Variants in PCDH19 observed in about 807,000 individuals in gnomAD.
PCDH19 encodes the protein protocadherin-19.
Under a neutral mutation model 46.2 loss-of-function variants are expected in PCDH19, and 6 were observed. The observed-to-expected ratio is 0.13, with a 90% CI of 0.07 to 0.26. PCDH19 has a LOEUF of 0.26. Ranked by LOEUF, PCDH19 falls within the 10% of genes least tolerant of loss-of-function variation. PCDH19 has a pLI of 1.00. For synonymous variants in PCDH19, 481 were observed against 415.7 expected, an observed-to-expected ratio of 1.16 and a Z score of -1.91; for missense variants, 740 against 972.3, an observed-to-expected ratio of 0.76 and a Z score of 3.18.
rs757749679 is a variant in PCDH19 at position 100,364,144 on chromosome X, T to C, written c.2617-13440A>G. Among the ~76,000 whole-genome samples, 314 of 110,199 alleles carry C rather than the reference T, an allele frequency of 2.8e-3. 1 individual carries two copies. The highest frequency in any genetic ancestry group is 4.5e-3 in the Non-Finnish European group (237 of 52,778). On this transcript the variant is annotated intron_variant, in intron 3 of 5. Coordinates refer to ENST00000373034, the MANE Select transcript of PCDH19 (RefSeq NM_001184880.2). ...GTTGAGTAACACACATTAGCATGCA[T>C]AATTCAGAGTTGTCGGCTGGAAAGG...
Position 100,402,846 on chromosome X carries a change from G to T in PCDH19, c.2294C>A (p.Ala765Asp), listed in dbSNP as rs1165334173. The change falls in exon 3 of 6, where the codon GCT becomes GAT. Residue 765 changes from alanine to aspartate, a missense_variant. Ala to Asp is a moderately radical substitution (Grantham distance 126). Transcript: ENST00000373034. ...EKVSLRGKRI[A>D]EYSYGHQKKS... ...CTTTTGATGCCCATAGGAGTACTCAGCAATTCTATGTGACAGAAAAGGCAG... is the reference window on the plus strand; with the variant it reads ...CTTTTGATGCCCATAGGAGTACTCATCAATTCTATGTGACAGAAAAGGCAG... The T allele has an allele frequency of 8.3e-7, 1 of 1,200,004 alleles. No individual in the cohort carries two copies. The highest frequency in any genetic ancestry group is 1.8e-5 in the South Asian group (1 of 56,682).
intron 5 of PCDH19, among the ~76,000 whole-genome samples, chrX:100,331,028 A>C (rs1406451902): frequency 8.9e-6 from 1 of 112,128 alleles, no homozygotes; most frequent in Non-Finnish European, 1.9e-5. Context: ...TTTTCTGATC[A>C]ATTCTTTTGG....
chrX:100,393,945 G>C (rs181050300), intron 3 of PCDH19, among the ~76,000 whole-genome samples: 439 of 112,017 alleles, frequency 3.9e-3, no homozygotes, highest in Non-Finnish European at 5.4e-3. Flanking sequence ...GCGGGTGGAT[G>C]ACCTGAGGTC....
At chrX:100,328,676 T>C (rs1229549224) in intron 5 of PCDH19, among the ~76,000 whole-genome samples, 1 of 111,667 alleles carries the variant, frequency 9.0e-6, no homozygotes, top group African/African-American at 3.3e-5. Context: ...TGCCGCCTAC[T>C]TCAGTACCAC....
intron 5 of PCDH19, among the ~76,000 whole-genome samples, chrX:100,333,446 T>A (rs1005660104): frequency 1.8e-5 from 2 of 111,566 alleles, no homozygotes; most frequent in Non-Finnish European, 3.8e-5. Flanking sequence ...TCCAAAGAGA[T>A]CACATTACAC....
At chrX:100,404,850 T>G (rs1928298854) in intron 1 of PCDH19, among the ~76,000 whole-genome samples, 1 of 111,875 alleles carries the variant, frequency 8.9e-6, no homozygotes, top group Non-Finnish European at 1.9e-5. Flanking sequence ...AAATAAAATT[T>G]TATTGACCCC....
At chrX:100,322,859 A>AT (rs1400588865) in intron 5 of PCDH19, among the ~76,000 whole-genome samples, 4 of 43,692 alleles carry the variant, frequency 9.2e-5, no homozygotes, top group African/African-American at 4.1e-4. Context: ...ATATATATAT[A>AT]TATATATTTT....
rs1233127276 is a variant in PCDH19, at chrX:100,296,880, T to A, written c.2849-5A>T. 6 of 1,186,340 alleles carry A rather than the reference T, an allele frequency of 5.1e-6. No homozygotes were observed. Among genetic ancestry groups the A allele is most frequent in the Non-Finnish European group, 5.7e-6 (5 of 874,158 alleles). On this transcript the variant is annotated splice_region_variant and splice_polypyrimidine_tract_variant and intron_variant, in intron 5 of 5. Transcript: ENST00000373034. ...AATGAAATCCTTCATTCTGATCTGT[T>A]TGGAAAAAAGAAAATATCAATTTCA...
chrX:100,359,665 A>G (rs1255255313), intron 3 of PCDH19, among the ~76,000 whole-genome samples: 2 of 111,842 alleles, frequency 1.8e-5, no homozygotes, highest in Non-Finnish European at 3.8e-5. Context: ...AGGTGGGAGG[A>G]TCGCTTAAGG....
chrX:100,407,132 G>A lies in PCDH19; in HGVS notation c.1466C>T (p.Ser489Phe). 1 of 1,212,191 alleles carries A rather than the reference G, an allele frequency of 8.2e-7. No individual in the cohort carries two copies. Among genetic ancestry groups the A allele is most frequent in the Middle Eastern group, 2.3e-4 (1 of 4,353 alleles). Residue 489 changes from serine (S) to phenylalanine (F), a missense_variant, in exon 1 of 6, where the codon TCC becomes TTC. This residue lies in a region of PCDH19 where 186 missense variants were observed against 319.9 expected (regional missense o/e 0.58). Coordinates refer to ENST00000373034, the MANE Select transcript of PCDH19 (RefSeq NM_001184880.2). Reference sequence around the variant, plus strand: ...CACCTGCGACGGCACGATCTGGTAGGAGACACTGCCGTTGAGACCCAGGTC... The same window carrying A: ...CACCTGCGACGGCACGATCTGGTAGAAGACACTGCCGTTGAGACCCAGGTC... ...DPDLGLNGSV[S>F]YQIVPSQVRD...
intron 4 of PCDH19, among the ~76,000 whole-genome samples, chrX:100,348,034 C>A (rs1288610374): frequency 1.0e-5 from 1 of 95,964 alleles, no homozygotes; most frequent in Admixed American, 1.2e-4. Context: ...CCACTGCACT[C>A]CAGCCTAGGT....
At chrX:100,311,244 T>C (rs931560907) in intron 5 of PCDH19, among the ~76,000 whole-genome samples, 1 of 111,556 alleles carries the variant, frequency 9.0e-6, no homozygotes, top group African/African-American at 3.3e-5. Context: ...TAGCAGATCA[T>C]CAGCTTGTGA....
At position 100,346,722 on chromosome X, in the gene PCDH19, C is replaced by A. The variant is rs1200786583; in HGVS notation, c.2675+3924G>T. Among the ~76,000 whole-genome samples the A allele has an allele frequency of 8.9e-5, 10 of 112,488 alleles. No individual in the cohort carries two copies. The Admixed American group carries it at 9.4e-4, about 11-fold the overall frequency. ...TTGGGTGGAAAAAGAAAGCATTGTGCATGATTTAGGGAGCCAAAGCTCCTA... is the reference window on the plus strand; with the variant it reads ...TTGGGTGGAAAAAGAAAGCATTGTGAATGATTTAGGGAGCCAAAGCTCCTA... On this transcript the variant is annotated intron_variant, in intron 4 of 5. Transcript: ENST00000373034.
intron 4 of PCDH19, among the ~76,000 whole-genome samples, chrX:100,348,562 G>C (rs1329542476): frequency 1.8e-5 from 2 of 111,095 alleles, no homozygotes; most frequent in Non-Finnish European, 3.8e-5. Flanking sequence ...CATCAAGGTG[G>C]TCCCTGGTTT....
chrX:100,313,832 A>G (rs1925205821), intron 5 of PCDH19, among the ~76,000 whole-genome samples: 1 of 102,764 alleles, frequency 9.7e-6, no homozygotes, highest in African/African-American at 3.6e-5. Flanking sequence ...CTCCTGCTGG[A>G]ATTCAAAGAG....
intron 2 of PCDH19, 67 bp downstream of exon 2, chrX:100,403,456 CG>C (rs1928255492): frequency 1.8e-6 from 2 of 1,120,836 alleles, no homozygotes; most frequent in Non-Finnish European, 2.4e-6. Context: ...ACTCACCCCC[CG>C]ACCCCCTCCT....
intron 3 of PCDH19, among the ~76,000 whole-genome samples, chrX:100,389,380 AG>A (rs1225868952): frequency 1.1e-5 from 1 of 91,846 alleles, no homozygotes; most frequent in African/African-American, 4.5e-5. Context: ...GGTGGTTGCC[AG>A]GGGTTGTGGG....
At chrX:100,349,727 A>G (rs1926515085) in intron 4 of PCDH19, among the ~76,000 whole-genome samples, 1 of 112,758 alleles carries the variant, frequency 8.9e-6, no homozygotes, top group Admixed American at 9.4e-5. Flanking sequence ...TAGCTGCAGA[A>G]TAACCACTGG....
At position 100,337,087 on chromosome X, in the gene PCDH19, T is replaced by C. The variant is rs941989542; in HGVS notation, c.2848+4816A>G. ...ATCACGCAACAAACCCATGAGCCTCTGGCACCTCTCACTACTCTACTTGTC... is the reference window on the plus strand; with the variant it reads ...ATCACGCAACAAACCCATGAGCCTCCGGCACCTCTCACTACTCTACTTGTC... On this transcript the variant is annotated intron_variant, in intron 5 of 5. Transcript: ENST00000373034. 1.4e-4 allele frequency among the ~76,000 whole-genome samples: 16 copies of C among 111,506 alleles called. No homozygotes were observed. In the South Asian group the frequency reaches 1.6e-3, roughly 11 times the overall value.
Sources: allele counts gnomAD v4.1 joint callset (sites outside exome capture counted in the v4.1 genomes callset), GRCh38; gene constraint gnomAD v4.1.1; regional missense constraint gnomAD v4.1.1; transcripts MANE v1.5; gene names NCBI Gene and HGNC (gene_info 2026-07-23, HGNC 2026-07-21).